ZNF385D: variants seen among roughly 807,000 people sequenced by gnomAD.
ZNF385D encodes the protein zinc finger protein 659.
In ZNF385D, 15 loss-of-function variants were observed where a neutral mutation model predicts 35.8. That is an observed-to-expected ratio of 0.42 (90% CI 0.28 to 0.64). The LOEUF is 0.64. Ranked by LOEUF, ZNF385D falls within the 30% of genes least tolerant of loss-of-function variation. ZNF385D has a pLI of 0.23. For missense variants in ZNF385D, 474 were observed against 494.6 expected (o/e 0.96, Z 0.39); for synonymous variants, 212 against 186.8 (o/e 1.13, Z -1.10).
chr3:21,434,083 CG>C (rs1701433771), intron 5 of ZNF385D, among the ~76,000 whole-genome samples: 1 of 152,052 alleles, frequency 6.6e-6, no homozygotes, highest in Non-Finnish European at 1.5e-5. Context: ...GAAATAGAAT[CG>C]GAATTAATTT....
At chr3:21,528,074 A>G (rs1395853105) in intron 3 of ZNF385D, among the ~76,000 whole-genome samples, 1 of 152,196 alleles carries the variant, frequency 6.6e-6, no homozygotes, top group Non-Finnish European at 1.5e-5. Flanking sequence ...CAGAGGCGAG[A>G]TTTGAAACCA....
intron 3 of ZNF385D, among the ~76,000 whole-genome samples, chr3:21,872,787 A>G (rs1697761255): frequency 6.6e-6 from 1 of 152,170 alleles, no homozygotes; most frequent in Admixed American, 6.6e-5. Flanking sequence ...AGCCGCTACA[A>G]TGCTGTTTTG....
chr3:21,506,942 C>A (rs1706810912), intron 4 of ZNF385D, among the ~76,000 whole-genome samples: 2 of 121,320 alleles, frequency 1.6e-5, no homozygotes, highest in African/African-American at 3.2e-5. Context: ...CTGCTCAGCA[C>A]TCTAGCAGAC....
intron 1 of ZNF385D, among the ~76,000 whole-genome samples, chr3:21,718,903 T>C (rs1194455130): frequency 1.3e-5 from 2 of 152,162 alleles, no homozygotes; most frequent in African/African-American, 2.4e-5. Context: ...TGTATTTTCA[T>C]CAAATAGTTA....
At chr3:21,701,250 A>T (rs569009128) in intron 1 of ZNF385D, among the ~76,000 whole-genome samples, 1 of 152,290 alleles carries the variant, frequency 6.6e-6, no homozygotes, top group East Asian at 1.9e-4. Context: ...GGTAGGCCTC[A>T]GAATCATGGC....
In ZNF385D at chr3:21,438,478, G is replaced by A. The variant is rs563235234; in HGVS notation, c.440-1275C>T. On this transcript the variant is annotated intron_variant, in intron 4 of 7. Coordinates refer to ENST00000281523, the MANE Select transcript of ZNF385D (RefSeq NM_024697.3). ...TCATTACTACCAAGAGTTGACTGCAGCTACAGAATGACTCTTAACTGGAAT... is the reference window on the plus strand; with the variant it reads ...TCATTACTACCAAGAGTTGACTGCAACTACAGAATGACTCTTAACTGGAAT... Among the ~76,000 whole-genome samples the A allele has an allele frequency of 6.3e-4, 89 of 140,748 alleles. 1 individual carries two copies. Among genetic ancestry groups the A allele is most frequent in the African/African-American group, 2.5e-3 (83 of 33,492 alleles). 92.3% of individuals were successfully genotyped at this position (140,748 alleles called of 152,430 possible).
intron 4 of ZNF385D, among the ~76,000 whole-genome samples, chr3:21,447,378 C>A (rs1307016378): frequency 6.6e-6 from 1 of 152,022 alleles, no homozygotes; most frequent in Non-Finnish European, 1.5e-5. Flanking sequence ...CCTCCAAAAT[C>A]TATGAATGGT....
rs893831346 is a variant in ZNF385D, at chr3:21,465,837, C to A, written c.440-28634G>T. On this transcript the variant is annotated intron_variant, in intron 4 of 7. Transcript: ENST00000281523. This position sits in a 1 kb window ranked among gnomAD's most constrained non-coding sequence, Gnocchi z 4.2. ...GGCAAATAGTCAGATGCCCTTCCTG[C>A]AGGCTGACCCACTCTCAGGCTACAC... Among the ~76,000 whole-genome samples the A allele has an allele frequency of 6.6e-6, 1 of 152,180 alleles. No homozygotes were observed. Among genetic ancestry groups the A allele is most frequent in the African/African-American group, 2.4e-5 (1 of 41,444 alleles).
chr3:22,020,999 T>C (rs1272412430), intron 3 of ZNF385D, among the ~76,000 whole-genome samples: 2 of 151,858 alleles, frequency 1.3e-5, no homozygotes, highest in African/African-American at 4.8e-5. Flanking sequence ...AGGAGGCCAT[T>C]ATCTTAGGTG....
intron 4 of ZNF385D, among the ~76,000 whole-genome samples, chr3:21,457,540 G>C (rs1327545096): frequency 6.6e-6 from 1 of 152,022 alleles, no homozygotes; most frequent in Admixed American, 6.6e-5. Context: ...ATTTTTAGTA[G>C]AGACAGGGTT....
intron 3 of ZNF385D, among the ~76,000 whole-genome samples, chr3:21,834,065 T>C (rs1314102005): frequency 6.7e-6 from 1 of 148,912 alleles, no homozygotes; most frequent in Non-Finnish European, 1.5e-5. Context: ...CTTTGATAGT[T>C]AAACAAAAAA....
At chr3:21,499,092 C>T (rs941822568) in intron 4 of ZNF385D, among the ~76,000 whole-genome samples, 1 of 151,040 alleles carries the variant, frequency 6.6e-6, no homozygotes, top group Non-Finnish European at 1.5e-5. Context: ...TAATGTAAAA[C>T]ATAATTACAA....
At position 22,149,624 on chromosome 3, in the gene ZNF385D, T is replaced by C. The variant is rs373338826; in HGVS notation, c.325+19193A>G. On this transcript the variant is annotated intron_variant, in intron 3 of 5. Coordinates refer to the ZNF385D transcript ENST00000494108. ...GGTATGAAACACAAGTGTCTGTGAA[T>C]TCAACTACTTGGGTCCATATCTGAG... Among the ~76,000 whole-genome samples the C allele has an allele frequency of 4.9e-4, 74 of 152,292 alleles. 2 individuals are homozygous for C. In the South Asian group the frequency reaches 0.015, roughly 31 times the overall value.
At chr3:21,619,904 G>T (rs2125810750) in intron 2 of ZNF385D, among the ~76,000 whole-genome samples, 1 of 152,282 alleles carries the variant, frequency 6.6e-6, no homozygotes, top group Non-Finnish European at 1.5e-5. Flanking sequence ...AACCTAGTTT[G>T]GTTCTTTGCA....
chr3:21,732,030 G>GTTTTTTTTTTTTT (rs1214143626), intron 1 of ZNF385D, among the ~76,000 whole-genome samples: 3 of 37,370 alleles, frequency 8.0e-5, no homozygotes, highest in Non-Finnish European at 1.7e-4. Context: ...TTTTTTCGGG[G>GTTTTTTTTTTTTT]TTTTTTTTTT....
At chr3:21,496,963 G>A (rs1254012219) in intron 4 of ZNF385D, among the ~76,000 whole-genome samples, 4 of 152,074 alleles carry the variant, frequency 2.6e-5, no homozygotes, top group Non-Finnish European at 4.4e-5. Context: ...GGGCAAAGCT[G>A]GAAGAATTAC....
intron 3 of ZNF385D, among the ~76,000 whole-genome samples, chr3:22,094,993 A>C (rs1022777165): frequency 3.9e-5 from 6 of 151,966 alleles, no homozygotes; most frequent in African/African-American, 1.4e-4. Context: ...CTGTTACCTT[A>C]AACTCCTGGG....
At chr3:21,957,930 A>AT (rs2125311817) in intron 3 of ZNF385D, among the ~76,000 whole-genome samples, 1 of 152,202 alleles carries the variant, frequency 6.6e-6, no homozygotes, top group Non-Finnish European at 1.5e-5. Flanking sequence ...TGTACCACTA[A>AT]TGTTGTCATT....
At chr3:21,926,801 G>C (rs760569509) in intron 3 of ZNF385D, among the ~76,000 whole-genome samples, 31 of 152,006 alleles carry the variant, frequency 2.0e-4, no homozygotes, top group Non-Finnish European at 3.8e-4. Flanking sequence ...TAGACAAATG[G>C]GATCTAATTA....
Sources: allele counts gnomAD v4.1 joint callset (sites outside exome capture counted in the v4.1 genomes callset), GRCh38; gene constraint gnomAD v4.1.1; non-coding constraint Gnocchi (gnomAD v3.1); transcripts MANE v1.5; gene names NCBI Gene and HGNC (gene_info 2026-07-23, HGNC 2026-07-21).